The following CCDC30 variants were observed in gnomAD, a reference collection of about 807,000 sequenced individuals.
CCDC30 encodes coiled-coil domain containing 30.
CCDC30 carries 70 observed loss-of-function variants against 100.2 expected under a neutral mutation model. That is an observed-to-expected ratio of 0.70 (90% CI 0.58 to 0.85). CCDC30 has a LOEUF of 0.85. Ranked by LOEUF, CCDC30 falls within the 40% of genes least tolerant of loss-of-function variation. The pLI, the probability that CCDC30 is intolerant of heterozygous loss-of-function variation, is 0.00. For missense variants in CCDC30, 652 were observed against 771.2 expected (o/e 0.85, Z 1.83); for synonymous variants, 233 against 269.5 (o/e 0.86, Z 1.33).
At chr1:42,517,997 A>G (rs530722841) in intron 6 of CCDC30, among the ~76,000 whole-genome samples, 2 of 152,160 alleles carry the variant, frequency 1.3e-5, no homozygotes, top group South Asian at 2.1e-4. Flanking sequence ...GGATTGTTTT[A>G]TTTCTGCAAA....
At chr1:42,646,728 A>C (rs895315150) in intron 15 of CCDC30, among the ~76,000 whole-genome samples, 2 of 152,212 alleles carry the variant, frequency 1.3e-5, no homozygotes, top group Non-Finnish European at 2.9e-5. Context: ...TGGGACAGGC[A>C]GTGCTCTCAC....
chr1:42,639,079 G>T (rs1028190356), intron 12 of CCDC30, among the ~76,000 whole-genome samples: 2 of 152,114 alleles, frequency 1.3e-5, no homozygotes, highest in African/African-American at 4.8e-5. Context: ...ACTACACTGG[G>T]TTGAATAGCG....
upstream of CCDC30, among the ~76,000 whole-genome samples, chr1:42,462,307 T>C (rs150604727): frequency 6.4e-3 from 972 of 152,240 alleles, 9 homozygotes; most frequent in African/African-American, 0.022. Flanking sequence ...ACTAAGAACC[T>C]GATCTTGGAT....
At chr1:42,482,518 T>TAC (rs537424359) in intron 2 of CCDC30, 145 bp from the exon 3 acceptor site, 5 of 419,874 alleles carry the variant, frequency 1.2e-5, no homozygotes, top group Admixed American at 9.1e-5. Context: ...CACACACACA[T>TAC]ACACACACAC....
At chr1:42,491,430 C>T (rs1383703970) in intron 4 of CCDC30, among the ~76,000 whole-genome samples, 3 of 150,058 alleles carry the variant, frequency 2.0e-5, no homozygotes, top group African/African-American at 7.4e-5. Context: ...ACATAGAGAG[C>T]AGAAAGATTG....
At chr1:42,504,974 G>T (rs1209444340) in intron 6 of CCDC30, among the ~76,000 whole-genome samples, 1 of 152,186 alleles carries the variant, frequency 6.6e-6, no homozygotes, top group African/African-American at 2.4e-5. Context: ...CTTGTCAGTA[G>T]CTATTATTCC....
intron 7 of CCDC30, among the ~76,000 whole-genome samples, chr1:42,572,534 T>A (rs1645753793): frequency 2.0e-5 from 3 of 152,166 alleles, no homozygotes; most frequent in South Asian, 2.1e-4. Context: ...TTATAACTAG[T>A]GATTTTTGGG....
intron 3 of CCDC30, among the ~76,000 whole-genome samples, chr1:42,483,194 T>A (rs1171995044): frequency 6.6e-6 from 1 of 152,222 alleles, no homozygotes; most frequent in Non-Finnish European, 1.5e-5. Flanking sequence ...TCCTGCTCAG[T>A]CTTATAAGAT....
intron 6 of CCDC30, among the ~76,000 whole-genome samples, chr1:42,554,514 G>A (rs1324584034): frequency 6.6e-6 from 1 of 151,828 alleles, no homozygotes; most frequent in African/African-American, 2.4e-5. Context: ...CTGACCTCAG[G>A]TGATCCGCCC....
At chr1:42,458,344 T>C (rs1251562304), upstream of CCDC30, among the ~76,000 whole-genome samples, 1 of 152,178 alleles carries the variant, frequency 6.6e-6, no homozygotes, top group African/African-American at 2.4e-5. Flanking sequence ...GTGGTTGTGA[T>C]TTTAGATTTT....
At chr1:42,638,362 C>A (rs1647199227) in intron 12 of CCDC30, among the ~76,000 whole-genome samples, 1 of 151,982 alleles carries the variant, frequency 6.6e-6, no homozygotes, top group Non-Finnish European at 1.5e-5. Flanking sequence ...GAAGCTCTGT[C>A]TCTAACTAAA....
chr1:42,610,960 T>C lies in CCDC30; in HGVS notation c.1165-18T>C, dbSNP rs762725974. 3.7e-6 allele frequency: 5 copies of C among 1,364,798 alleles called. No homozygotes were observed. The highest frequency in any genetic ancestry group is 3.1e-6 in the Non-Finnish European group (3 of 955,100). 84.5% of individuals were successfully genotyped at this position (1,364,798 alleles called of 1,614,324 possible). On this transcript the variant is annotated intron_variant, in intron 10 of 16. Coordinates refer to ENST00000668663, the Ensembl canonical transcript of CCDC30. ...CTTTGTCAGGTCAGAGTTCTCATTA[T>C]TTTTCAATGTTTTTCAGCATGTCAA...
chr1:42,654,426 C>G (rs982685960), downstream of CCDC30: 1 of 173,924 alleles, frequency 5.7e-6, no homozygotes, highest in Non-Finnish European at 1.2e-5. Flanking sequence ...TGGTGGCTCA[C>G]GCCTATAATC....
At chr1:42,510,194 C>CAA in intron 6 of CCDC30, 8 of 800,304 alleles carry the variant, frequency 1.0e-5, no homozygotes, top group South Asian at 5.7e-5. Flanking sequence ...TGATGATTCC[C>CAA]CTGTTTCTTT....
At chr1:42,642,240 C>CAA (rs377007248) in intron 12 of CCDC30, among the ~76,000 whole-genome samples, 103 of 145,896 alleles carry the variant, frequency 7.1e-4, no homozygotes, top group African/African-American at 1.7e-3. Flanking sequence ...AACAAACAAA[C>CAA]AAAAAAATAT....
intron 6 of CCDC30, among the ~76,000 whole-genome samples, chr1:42,507,337 G>C (rs187192969): frequency 1.3e-5 from 2 of 152,306 alleles, no homozygotes; most frequent in Non-Finnish European, 1.5e-5. Flanking sequence ...ATGCGAATTA[G>C]TGTCTTAAGA....
In CCDC30 at chr1:42,510,619, T is replaced by C. The variant is rs565923946; in HGVS notation, c.456+11703T>C. On this transcript the variant is annotated intron_variant, in intron 6 of 16. Transcript: ENST00000668663. ...TTGCAGTGAGGTGAGATCGCGCCACTGCACTCCAGCCTGGGTGAGAGAGCA... is the reference window on the plus strand; with the variant it reads ...TTGCAGTGAGGTGAGATCGCGCCACCGCACTCCAGCCTGGGTGAGAGAGCA... Among the ~76,000 whole-genome samples, 11 of 150,206 alleles carry C rather than the reference T, an allele frequency of 7.3e-5. No homozygotes were observed. The East Asian group carries it at 2.2e-3, about 30-fold the overall frequency.
chr1:42,616,474 T>A (rs1037974736), intron 11 of CCDC30, among the ~76,000 whole-genome samples: 7 of 152,248 alleles, frequency 4.6e-5, no homozygotes, highest in Non-Finnish European at 8.8e-5. Flanking sequence ...ACTCTACCTT[T>A]ATTTTTGTTT....
At chr1:42,611,299 A>G (rs910439663) in intron 11 of CCDC30, among the ~76,000 whole-genome samples, 3 of 152,178 alleles carry the variant, frequency 2.0e-5, no homozygotes, top group African/African-American at 7.2e-5. Flanking sequence ...GGGAAGGAGA[A>G]GGGAATTACC....
Sources: gnomAD v4.1 joint callset for allele counts (sites outside exome capture counted in the v4.1 genomes callset) on GRCh38, gnomAD v4.1.1 for gene constraint, MANE v1.5 for transcripts, NCBI Gene and HGNC (gene_info 2026-07-23, HGNC 2026-07-21) for gene names.